The following APBA1 variants were observed in gnomAD, a reference collection of about 807,000 sequenced individuals.
APBA1 encodes amyloid-beta A4 precursor protein-binding family A member 1.
Under a neutral mutation model 86.6 loss-of-function variants are expected in APBA1, and 55 were observed. The ratio of observed to expected loss-of-function variants is 0.64; its 90% confidence interval spans 0.51 to 0.80. The LOEUF (loss-of-function observed/expected upper bound fraction) is 0.80. APBA1 is among the 30% of genes least tolerant of loss of function. APBA1 has a pLI of 0.00. For missense variants in APBA1, 1,090 were observed against 1,183.0 expected, an observed-to-expected ratio of 0.92 and a Z score of 1.15; for synonymous variants, 511 against 493.9, an observed-to-expected ratio of 1.03 and a Z score of -0.46.
intron 1 of APBA1, among the ~76,000 whole-genome samples, chr9:69,584,013 T>A (rs1239606833): frequency 1.3e-5 from 2 of 152,244 alleles, no homozygotes; most frequent in African/African-American, 2.4e-5. Flanking sequence ...TAAATGCTTT[T>A]CTATCAGGCA....
Position 69,457,121 on chromosome 9 carries a change from G to A in APBA1, c.1534C>T (p.Gln512Ter). 1 of 1,614,170 alleles carries A rather than the reference G, an allele frequency of 6.2e-7. No homozygotes were observed. The highest frequency in any genetic ancestry group is 8.5e-7 in the Non-Finnish European group (1 of 1,179,994). The change falls in exon 7 of 13, where the codon CAG becomes TAG. Residue 512 changes from glutamine (Q) to a stop codon, truncating the protein, a stop_gained. Transcript: ENST00000265381. LOFTEE classifies it high-confidence loss of function. ...SRKKAPEGES[Q>*]PMTEVDLFIS... ...AAGAGATCCACTTCAGTCATTGGCT[G>A]AGATTCGCCTTCAGGAGCCTGAGAA...
intron 1 of APBA1, among the ~76,000 whole-genome samples, chr9:69,658,578 T>TG (rs1206080923): frequency 6.7e-6 from 1 of 150,250 alleles, no homozygotes; most frequent in Non-Finnish European, 1.5e-5. Flanking sequence ...AATTTTTTTT[T>TG]TTTTTCAGTT....
chr9:69,598,282 G>A (rs1472894396), intron 1 of APBA1, among the ~76,000 whole-genome samples: 8 of 151,826 alleles, frequency 5.3e-5, no homozygotes, highest in Non-Finnish European at 2.9e-5. Context: ...GGGGACTGTG[G>A]TGGGGTGGGG....
chr9:69,554,082 A>G (rs1261389184), intron 1 of APBA1, among the ~76,000 whole-genome samples: 1 of 152,198 alleles, frequency 6.6e-6, no homozygotes, highest in Non-Finnish European at 1.5e-5. Context: ...CTAGTATATC[A>G]TGTTCAACTT....
intron 2 of APBA1, among the ~76,000 whole-genome samples, chr9:69,496,500 A>G (rs1218524308): frequency 6.6e-6 from 1 of 152,082 alleles, no homozygotes; most frequent in Non-Finnish European, 1.5e-5. Context: ...CAAAGTGGGA[A>G]ACGGGGCCAG....
chr9:69,548,746 AGGGCTGGCCATGTT>A (rs1319595467), intron 1 of APBA1, among the ~76,000 whole-genome samples: 1 of 152,254 alleles, frequency 6.6e-6, no homozygotes, highest in Non-Finnish European at 1.5e-5. Flanking sequence ...ACATGCCCTC[AGGGCTGGCCATGTT>A]GGACATGCTC....
intron 1 of APBA1, among the ~76,000 whole-genome samples, chr9:69,604,150 G>C (rs1241370420): frequency 6.6e-6 from 1 of 152,196 alleles, no homozygotes; most frequent in East Asian, 1.9e-4. Flanking sequence ...GAAGTTGTTA[G>C]ACAGCGTTTG....
At chr9:69,672,949 C>T (rs1056932612), upstream of APBA1, 1 of 152,282 alleles carries the variant, frequency 6.6e-6, no homozygotes, top group South Asian at 2.1e-4. Context: ...CCGAGCTTTC[C>T]CGCTTCCCAG....
chr9:69,577,050 A>T (rs1033611947), intron 1 of APBA1, among the ~76,000 whole-genome samples: 1 of 152,186 alleles, frequency 6.6e-6, no homozygotes, highest in Non-Finnish European at 1.5e-5. Context: ...TGATGTTTTG[A>T]TATGTATAAA....
At chr9:69,572,179 A>T (rs1457710244) in intron 1 of APBA1, among the ~76,000 whole-genome samples, 1 of 152,124 alleles carries the variant, frequency 6.6e-6, no homozygotes, top group Non-Finnish European at 1.5e-5. Flanking sequence ...GCACCTATCA[A>T]CCCATCACCT....
chr9:69,641,149 A>G (rs996576612), intron 1 of APBA1, among the ~76,000 whole-genome samples: 2 of 152,190 alleles, frequency 1.3e-5, no homozygotes, highest in African/African-American at 2.4e-5. Flanking sequence ...AAATGCAATG[A>G]CATTTTAATA....
At chr9:69,575,915 C>A (rs1330095046) in intron 1 of APBA1, among the ~76,000 whole-genome samples, 13 of 152,154 alleles carry the variant, frequency 8.5e-5, no homozygotes, top group Non-Finnish European at 8.8e-5. Flanking sequence ...TCAGAGTGAA[C>A]AGGCAACCTA....
rs1220141818 is a variant in APBA1, at chr9:69,457,059, G to C, written c.1596C>G (p.Asp532Glu). ...GGTGGAAGCCAGCTGATACCTGTGTGTCGGCGTTCAGCACTTTGATTCTCT... is the reference window on the plus strand; with the variant it reads ...GGTGGAAGCCAGCTGATACCTGTGTCTCGGCGTTCAGCACTTTGATTCTCT... ...STQRIKVLNA[D>E]TQETMMDHPL... The change falls in exon 7 of 13, where the codon GAC becomes GAG. Residue 532 changes from aspartate (D) to glutamate (E), a missense_variant. Asp to Glu is a conservative substitution (Grantham distance 45). Around this residue, in one of 6 missense-constraint regions of APBA1, gnomAD observed 103 missense variants for 91.9 expected, o/e 1.12. Transcript: ENST00000265381. 2 of 1,613,896 alleles carry C rather than the reference G, an allele frequency of 1.2e-6. No homozygotes were observed. The highest frequency in any genetic ancestry group is 1.6e-4 in the Middle Eastern group (1 of 6,062).
intron 6 of APBA1, among the ~76,000 whole-genome samples, chr9:69,457,740 G>A (rs1835122479): frequency 6.6e-6 from 1 of 152,168 alleles, no homozygotes; most frequent in African/African-American, 2.4e-5. Flanking sequence ...AGCGCAGTCT[G>A]GTTCATTTAG....
In APBA1 at chr9:69,669,407, T is replaced by C. The variant is rs1478238743; in HGVS notation, c.-70+2746A>G. 2.0e-5 allele frequency among the ~76,000 whole-genome samples: 3 copies of C among 152,040 alleles called. No individual in the cohort carries two copies. The East Asian group carries it at 5.8e-4, about 29-fold the overall frequency. On this transcript the variant is annotated intron_variant, in intron 1 of 12. Coordinates refer to ENST00000265381, the MANE Select transcript of APBA1 (RefSeq NM_001163.4). ...CAACAAAAAACCTTAAGAGGCTCAATAATGGAAGAGAAAAGCACTGATGCT... is the reference window on the plus strand; with the variant it reads ...CAACAAAAAACCTTAAGAGGCTCAACAATGGAAGAGAAAAGCACTGATGCT...
At chr9:69,455,067 T>A (rs181102252) in intron 8 of APBA1, among the ~76,000 whole-genome samples, 1 of 152,126 alleles carries the variant, frequency 6.6e-6, no homozygotes, top group African/African-American at 2.4e-5. Context: ...CAGCTCTGGT[T>A]CCCCGGAGAA....
chr9:69,588,669 C>T (rs1254721681), intron 1 of APBA1, among the ~76,000 whole-genome samples: 4 of 152,154 alleles, frequency 2.6e-5, no homozygotes, highest in Non-Finnish European at 5.9e-5. Context: ...CAAGTCAGAG[C>T]TTAGTTCCTC....
chr9:69,559,922 C>T (rs751521856), intron 1 of APBA1, among the ~76,000 whole-genome samples: 14 of 152,158 alleles, frequency 9.2e-5, no homozygotes, highest in Non-Finnish European at 1.5e-4. Flanking sequence ...CAATCTCCCC[C>T]AAGCATCTGC....
chr9:69,644,158 T>C (rs2134010364), intron 1 of APBA1, among the ~76,000 whole-genome samples: 1 of 152,354 alleles, frequency 6.6e-6, no homozygotes, highest in East Asian at 1.9e-4. Flanking sequence ...CTGCTTGCTA[T>C]CTGTCTTTCC....
Sources: allele counts gnomAD v4.1 joint callset (sites outside exome capture counted in the v4.1 genomes callset), GRCh38; gene constraint gnomAD v4.1.1; regional missense constraint gnomAD v4.1.1; transcripts MANE v1.5; gene names NCBI Gene and HGNC (gene_info 2026-07-23, HGNC 2026-07-21).